HAUS6: variants seen among roughly 807,000 people sequenced by gnomAD.
HAUS6 encodes HAUS augmin-like complex subunit 6.
HAUS6 carries 80 observed loss-of-function variants against 106.8 expected under a neutral mutation model. The observed-to-expected ratio is 0.75, with a 90% CI of 0.63 to 0.90. HAUS6 has a LOEUF of 0.90. Among genes scored for constraint, HAUS6 ranks in the 40% least tolerant of loss-of-function variants. The pLI is 0.00. For synonymous variants in HAUS6, 356 were observed against 379.1 expected (o/e 0.94, Z 0.71); for missense variants, 1,155 against 1,118.1 (o/e 1.03, Z -0.47).
chr9:19,060,571 T>A (rs1836590472), intron 14 of HAUS6, among the ~76,000 whole-genome samples: 1 of 152,218 alleles, frequency 6.6e-6, no homozygotes, highest in Non-Finnish European at 1.5e-5. Context: ...CAGCTCTGTA[T>A]TCACTAAAAT....
chr9:19,086,945 C>A, intron 6 of HAUS6, 146 bp downstream of exon 6: 1 of 620,780 alleles, frequency 1.6e-6, no homozygotes, highest in Non-Finnish European at 2.9e-6. Context: ...ACTGGATTAG[C>A]AGTCATAACT....
intron 11 of HAUS6, among the ~76,000 whole-genome samples, chr9:19,072,103 G>C (rs1836893075): frequency 6.6e-6 from 1 of 151,556 alleles, no homozygotes; most frequent in African/African-American, 2.4e-5. Flanking sequence ...ACTAGGGGAA[G>C]CGCTTGAACC....
intron 12 of HAUS6, among the ~76,000 whole-genome samples, chr9:19,066,624 C>A (rs1443223974): frequency 1.3e-5 from 2 of 152,054 alleles, no homozygotes. Flanking sequence ...TGCTAATGCT[C>A]ACAGTGTACA....
At chr9:19,098,840 T>C (rs1054249242) in intron 1 of HAUS6, among the ~76,000 whole-genome samples, 4 of 151,898 alleles carry the variant, frequency 2.6e-5, no homozygotes, top group Non-Finnish European at 5.9e-5. Context: ...CTGACCAACA[T>C]GGAGAAACCC....
chr9:19,072,499 A>T (rs1022627800), intron 11 of HAUS6, among the ~76,000 whole-genome samples: 3 of 150,576 alleles, frequency 2.0e-5, no homozygotes, highest in African/African-American at 7.3e-5. Flanking sequence ...GGTAATAAAG[A>T]CTCTGTCTCA....
chr9:19,070,660 T>A (rs1322619639), intron 11 of HAUS6, among the ~76,000 whole-genome samples: 1 of 152,202 alleles, frequency 6.6e-6, no homozygotes, highest in Admixed American at 6.5e-5. Flanking sequence ...TCAGTGCACA[T>A]TTATGGTATC....
chr9:19,076,602 C>T lies in HAUS6; in HGVS notation c.1294G>A (p.Asp432Asn). 2 of 1,471,996 alleles carry T rather than the reference C, an allele frequency of 1.4e-6. No individual in the cohort carries two copies. Among genetic ancestry groups the T allele is most frequent in the Non-Finnish European group, 1.9e-6 (2 of 1,056,886 alleles). The allele number at this position is 1,471,996 out of a possible 1,614,324, so 91.2% of individuals were successfully genotyped here. A position where few individuals can be genotyped will look rare whatever the true frequency, so the allele number is the denominator to read the frequency against. Residue 432 changes from aspartate (D) to asparagine (N), a missense_variant and splice_region_variant, in exon 11 of 17, where the codon GAT becomes AAT. Coordinates refer to ENST00000380502, the MANE Select transcript of HAUS6 (RefSeq NM_017645.5). ...ILCQYPASLP[D>N]AHKQHNQENG... ...AGAAAAAAATAAATAAATAACCAAC[C>T]TGGAAGTGAAGCAGGATACTGACAA... is the stretch of plus-strand genomic sequence containing the variant.
intron 3 of HAUS6, among the ~76,000 whole-genome samples, chr9:19,093,818 A>G (rs1817805508): frequency 6.6e-6 from 1 of 152,154 alleles, no homozygotes; most frequent in Admixed American, 6.5e-5. Flanking sequence ...GCAGTGAGCC[A>G]AGATTGCGCC....
intron 2 of HAUS6, among the ~76,000 whole-genome samples, chr9:19,095,245 T>C (rs1377537791): frequency 6.6e-6 from 1 of 152,100 alleles, no homozygotes; most frequent in African/African-American, 2.4e-5. Flanking sequence ...TATTAGGGTT[T>C]AAAATTTACC....
rs746255865 is a variant in HAUS6 at position 19,080,480 on chromosome 9, T to A, written c.1063A>T (p.Arg355Trp). The A allele has an allele frequency of 2.5e-6, 4 of 1,591,510 alleles. No individual in the cohort carries two copies. Among genetic ancestry groups the A allele is most frequent in the Non-Finnish European group, 3.4e-6 (4 of 1,161,260 alleles). Residue 355 changes from arginine (R) to tryptophan (W), a missense_variant and splice_region_variant, in exon 9 of 17, where the codon AGG becomes TGG. Transcript: ENST00000380502. ...KERLSDLKHM[R>W]YRIKDDLTTI... ...AAATAACAGATCTTTTTAGTGTACC[T>A]CATATGTTTCAGATCTGATAATCTT...
At chr9:19,078,044 C>T (rs528667644) in intron 10 of HAUS6, 132 bp downstream of exon 10, 17 of 661,702 alleles carry the variant, frequency 2.6e-5, no homozygotes, top group African/African-American at 1.5e-4. Context: ...CAGCTATGAT[C>T]GTGCCACTGT....
At chr9:19,073,141 G>C (rs190017284) in intron 11 of HAUS6, among the ~76,000 whole-genome samples, 52 of 152,130 alleles carry the variant, frequency 3.4e-4, no homozygotes, top group African/African-American at 1.2e-3. Flanking sequence ...CAGTAAGGAA[G>C]GTGAAGAAAG....
chr9:19,059,187 G>A (rs1836550325), intron 15 of HAUS6, among the ~76,000 whole-genome samples, 186 bp from the exon 16 acceptor site: 1 of 152,126 alleles, frequency 6.6e-6, no homozygotes, highest in Non-Finnish European at 1.5e-5. Flanking sequence ...ATCTCCAACT[G>A]CTCGCACAAA....
At chr9:19,071,925 C>G (rs141597039) in intron 11 of HAUS6, among the ~76,000 whole-genome samples, 2 of 152,054 alleles carry the variant, frequency 1.3e-5, no homozygotes, top group Non-Finnish European at 2.9e-5. Context: ...ATAAATGGGC[C>G]GAGCCCAGTG....
chr9:19,093,182 G>A lies in HAUS6; in HGVS notation c.425C>T (p.Ser142Phe), dbSNP rs956764783. 1.3e-6 allele frequency: 2 copies of A among 1,565,248 alleles called. No homozygotes were observed. Among genetic ancestry groups the A allele is most frequent in the African/African-American group, 1.4e-5 (1 of 72,902 alleles). The change falls in exon 4 of 17, where the codon TCC becomes TTC. Residue 142 changes from serine to phenylalanine, a missense_variant. Ser to Phe is a radical substitution (Grantham distance 155). Coordinates refer to ENST00000380502, the MANE Select transcript of HAUS6 (RefSeq NM_017645.5). The part of the protein sequence containing the change: ...ARFVAMKYIK[S>F]NSKNSSHHFV... ...TAAGTTGAACTTACTTTTAGAATTG[G>A]ATTTAATATATTTCATTGCAACAAA...
intron 5 of HAUS6, 53 bp from the exon 6 acceptor site, chr9:19,087,209 A>G (rs1725598549): frequency 2.1e-6 from 2 of 956,252 alleles, no homozygotes; most frequent in Admixed American, 1.7e-5. Flanking sequence ...ATTAATTAGT[A>G]TAGCCCACTT....
chr9:19,060,279 A>C lies in HAUS6; in HGVS notation c.1630-56T>G, dbSNP rs1836579017. ...ATTACCAAGCCCATTGGTAGAATGC[A>C]ACAAAACCCCTGATAAGGATAATAA... On this transcript the variant is annotated intron_variant, in intron 14 of 16. Transcript: ENST00000380502. 2.2e-6 allele frequency: 3 copies of C among 1,360,192 alleles called. No homozygotes were observed. The East Asian group carries it at 7.5e-5, about 34-fold the overall frequency. 84.3% of individuals were successfully genotyped at this position (1,360,192 alleles called of 1,614,324 possible).
rs561940170 is a variant in HAUS6 at position 19,092,153 on chromosome 9, T to A, written c.436+1018A>T. On this transcript the variant is annotated intron_variant, in intron 4 of 16. Coordinates refer to ENST00000380502, the MANE Select transcript of HAUS6 (RefSeq NM_017645.5). ...AGGAAAACAGACATTATCCATACAA[T>A]AGTGATAAAAGTATCAGTTGTCGCC... 3.9e-4 allele frequency among the ~76,000 whole-genome samples: 60 copies of A among 151,950 alleles called. 1 individual carries two copies. Among genetic ancestry groups the A allele is most frequent in the Non-Finnish European group, 7.2e-4 (49 of 67,954 alleles).
chr9:19,101,310 C>T (rs1035129705), intron 1 of HAUS6, among the ~76,000 whole-genome samples: 1 of 151,988 alleles, frequency 6.6e-6, no homozygotes, highest in Non-Finnish European at 1.5e-5. Context: ...TGCTGGAGGC[C>T]AGGAGCTCAA....
Sources: allele counts gnomAD v4.1 joint callset (sites outside exome capture counted in the v4.1 genomes callset), GRCh38; gene constraint gnomAD v4.1.1; transcripts MANE v1.5; gene names NCBI Gene and HGNC (gene_info 2026-07-23, HGNC 2026-07-21).